IFT74: variants seen among roughly 807,000 people sequenced by gnomAD.
The protein encoded by IFT74 is intraflagellar transport 74.
IFT74 carries 92 observed loss-of-function variants against 96.7 expected under a neutral mutation model. The observed-to-expected ratio is 0.95, with a 90% CI of 0.80 to 1.13. IFT74 has a LOEUF of 1.13. Among genes scored for constraint, IFT74 ranks in the 50% most tolerant of loss-of-function variants. The pLI is 0.00. For missense variants in IFT74, 811 were observed against 698.2 expected (o/e 1.16, Z -1.82); for synonymous variants, 223 against 213.2 (o/e 1.05, Z -0.40).
intron 1 of IFT74, among the ~76,000 whole-genome samples, chr9:26,948,250 C>T (rs575194129): frequency 6.6e-6 from 1 of 152,180 alleles, no homozygotes; most frequent in African/African-American, 2.4e-5. Flanking sequence ...ATATTGTCTT[C>T]TCCAAACTCT....
chr9:26,955,372 G>C (rs150151212), upstream of IFT74, among the ~76,000 whole-genome samples: 94 of 152,310 alleles, frequency 6.2e-4, no homozygotes, highest in African/African-American at 2.2e-3. Flanking sequence ...ACTCTCTGAA[G>C]TCCTGCTTCT....
At chr9:26,987,064 T>C (rs1321916531) in intron 6 of IFT74, among the ~76,000 whole-genome samples, 8 of 152,202 alleles carry the variant, frequency 5.3e-5, no homozygotes, top group Admixed American at 3.3e-4. Flanking sequence ...TTTTTGTTCT[T>C]CTTGAGATGG....
Position 27,011,832 on chromosome 9 carries a change from G to A in IFT74, c.727-74G>A, listed in dbSNP as rs929259641. On this transcript the variant is annotated intron_variant, in intron 9 of 19. Coordinates refer to ENST00000380062, the MANE Select transcript of IFT74 (RefSeq NM_025103.4). ...ACAGAGAAATAAATTTTTTTTCCCA[G>A]CTCCCTCCCCCCACTACAACAAATT... 7.8e-6 allele frequency: 7 copies of A among 901,620 alleles called. No individual in the cohort carries two copies. In the Admixed American group the frequency reaches 2.5e-4, roughly 33 times the overall value. The allele number at this position is 901,620 out of a possible 1,614,324, so 55.9% of individuals were successfully genotyped here. A position where few individuals can be genotyped will look rare whatever the true frequency, so the allele number is the denominator to read the frequency against.
intron 2 of IFT74, among the ~76,000 whole-genome samples, chr9:26,975,991 C>G (rs1174117061): frequency 6.6e-6 from 1 of 152,230 alleles, no homozygotes; most frequent in Non-Finnish European, 1.5e-5. Context: ...TCTACATACA[C>G]TTTTATCCTC....
intron 15 of IFT74, 107 bp from the exon 16 acceptor site, chr9:27,048,041 A>ATACC (rs1819768989): frequency 1.5e-6 from 1 of 680,968 alleles, no homozygotes; most frequent in South Asian, 4.2e-5. Flanking sequence ...TTCAAAAAAA[A>ATACC]TACCTGATCC....
chr9:27,002,711 G>C (rs1434288769), intron 8 of IFT74, among the ~76,000 whole-genome samples: 1 of 152,192 alleles, frequency 6.6e-6, no homozygotes, highest in African/African-American at 2.4e-5. Flanking sequence ...AAATTTTGAA[G>C]TCAGGTAGTG....
chr9:26,964,067 G>A (rs1484381714), intron 2 of IFT74, among the ~76,000 whole-genome samples: 5 of 145,414 alleles, frequency 3.4e-5, no homozygotes, highest in African/African-American at 1.0e-4. Context: ...GTAATGCCTA[G>A]GTTTTCTTCT....
In IFT74 at chr9:27,064,674, A is replaced by G. The variant is rs542869675; in HGVS notation, c.*1938A>G. Among the ~76,000 whole-genome samples the G allele has an allele frequency of 6.6e-6, 1 of 152,222 alleles. No homozygotes were observed. The highest frequency in any genetic ancestry group is 2.4e-5 in the African/African-American group (1 of 41,550). ...CAAGGAGGAAGGGAATCTGGAAAAC[A>G]TGTTTGTGGATAGGTAATCTTTGTT... On this transcript the variant is annotated 3_prime_UTR_variant, in exon 20 of 20. Coordinates refer to ENST00000380062, the MANE Select transcript of IFT74 (RefSeq NM_025103.4).
chr9:26,948,448 A>AATTTTTTTTTTTTTTTTTTTTTTT (rs1825819227), intron 1 of IFT74, among the ~76,000 whole-genome samples: 1 of 59,162 alleles, frequency 1.7e-5, no homozygotes, highest in Admixed American at 2.0e-4. Context: ...GCTTTCCATT[A>AATTTTTTTTTTTTTTTTTTTTTTT]TTTTTTTTTT....
intron 13 of IFT74, among the ~76,000 whole-genome samples, chr9:27,029,630 C>T (rs768973569): frequency 2.6e-5 from 4 of 152,148 alleles, no homozygotes; most frequent in Non-Finnish European, 5.9e-5. Flanking sequence ...GGCCTGTAAT[C>T]CCAGCTATTC....
At chr9:27,042,236 CT>C (rs1264324425) in intron 13 of IFT74, among the ~76,000 whole-genome samples, 2 of 152,034 alleles carry the variant, frequency 1.3e-5, no homozygotes, top group Non-Finnish European at 2.9e-5. Context: ...TTTGACAGTT[CT>C]TAAACCACAA....
Position 26,950,268 on chromosome 9 carries a change from C to T in IFT74, c.-20+3122C>T, listed in dbSNP as rs1046222988. ...GGGAGGTTGCAGTGAGCTGAGATTGCGCCACTGCACTCCAGCCTGGCAACA... is the reference window on the plus strand; with the variant it reads ...GGGAGGTTGCAGTGAGCTGAGATTGTGCCACTGCACTCCAGCCTGGCAACA... On this transcript the variant is annotated intron_variant, in intron 1 of 19. Transcript: ENST00000433700. 7.9e-5 allele frequency among the ~76,000 whole-genome samples: 12 copies of T among 151,094 alleles called. No individual in the cohort carries two copies. The East Asian group carries it at 8.0e-4, about 10-fold the overall frequency.
intron 12 of IFT74, among the ~76,000 whole-genome samples, chr9:27,019,676 T>C (rs967954373): frequency 6.6e-6 from 1 of 151,970 alleles, no homozygotes; most frequent in Admixed American, 6.5e-5. Context: ...TATTTATTTA[T>C]CAATTAATGG....
intron 15 of IFT74, 136 bp from the exon 16 acceptor site, chr9:27,048,012 T>C (rs768634907): frequency 1.2e-5 from 6 of 484,998 alleles, no homozygotes; most frequent in Admixed American, 1.2e-4. Context: ...CTATACAATA[T>C]ATAACTTGAA....
Position 26,995,474 on chromosome 9 carries a change from CTGAG to C in IFT74, c.587+5284_587+5287del, listed in dbSNP as rs752070169. 7 of 1,125,642 alleles carry C rather than the reference CTGAG, an allele frequency of 6.2e-6. No homozygotes were observed. In the African/African-American group the frequency reaches 9.5e-5, roughly 15 times the overall value. The allele number at this position is 1,125,642 out of a possible 1,614,324, so 69.7% of individuals were successfully genotyped here. A position where few individuals can be genotyped will look rare whatever the true frequency, so the allele number is the denominator to read the frequency against. ...ACATAGCAAAATCTCCATATCTAAA[CTGAG>C]TGAGCTGATAACTTTGCTTTAAAAA... On this transcript the variant is annotated intron_variant, in intron 8 of 19. Transcript: ENST00000380062.
intron 12 of IFT74, among the ~76,000 whole-genome samples, chr9:27,026,114 C>A (rs1026526110): frequency 6.6e-6 from 1 of 152,138 alleles, no homozygotes; most frequent in Non-Finnish European, 1.5e-5. Context: ...TAAGGTCTCA[C>A]ATAAACTTAA....
chr9:26,948,755 G>C (rs1351950297), intron 1 of IFT74, among the ~76,000 whole-genome samples: 1 of 151,880 alleles, frequency 6.6e-6, no homozygotes, highest in East Asian at 1.9e-4. Flanking sequence ...GAGCCACCAC[G>C]CCTGGCCGGC....
In IFT74 at chr9:27,016,983, A is replaced by G; in HGVS notation, c.866A>G (p.Asp289Gly). 2 of 1,611,566 alleles carry G rather than the reference A, an allele frequency of 1.2e-6. 1 individual carries two copies. The highest frequency in any genetic ancestry group is 3.3e-4 in the Middle Eastern group (2 of 6,050). Residue 289 changes from aspartate (D) to glycine (G), a missense_variant, in exon 11 of 20, where the codon GAT becomes GGT. Coordinates refer to ENST00000380062, the MANE Select transcript of IFT74 (RefSeq NM_025103.4). ...CTTTATGAGTTGGAGTCCCATCGAGATCAAATGATTGCAGAAGACAAAAGC... is the reference window on the plus strand; with the variant it reads ...CTTTATGAGTTGGAGTCCCATCGAGGTCAAATGATTGCAGAAGACAAAAGC... ...EKLYELESHR[D>G]QMIAEDKSIG...
chr9:27,011,835 C>A, intron 9 of IFT74, 71 bp from the exon 10 acceptor site: 1 of 940,086 alleles, frequency 1.1e-6, no homozygotes, highest in Non-Finnish European at 1.5e-6. Context: ...TTTCCCAGCT[C>A]CCTCCCCCCA....
Sources: gnomAD v4.1 joint callset for allele counts (sites outside exome capture counted in the v4.1 genomes callset) on GRCh38, gnomAD v4.1.1 for gene constraint, MANE v1.5 for transcripts, NCBI Gene and HGNC (gene_info 2026-07-23, HGNC 2026-07-21) for gene names.